Variants in OSBPL10 observed in about 807,000 individuals in gnomAD.
OSBPL10 encodes oxysterol binding protein like 10.
In OSBPL10, 49 loss-of-function variants were observed where a neutral mutation model predicts 81.7. The observed-to-expected ratio is 0.60, with a 90% CI of 0.48 to 0.76. OSBPL10 has a LOEUF of 0.76. Among genes scored for constraint, OSBPL10 ranks in the 30% least tolerant of loss-of-function variants. OSBPL10 has a pLI of 0.00. For synonymous variants in OSBPL10, 419 were observed against 383.6 expected (o/e 1.09, Z -1.08); for missense variants, 923 against 987.8 (o/e 0.93, Z 0.88).
At chr3:31,730,845 T>C (rs1234526775) in intron 6 of OSBPL10, among the ~76,000 whole-genome samples, 1 of 152,210 alleles carries the variant, frequency 6.6e-6, no homozygotes, top group African/African-American at 2.4e-5. Flanking sequence ...TTCTAAACGG[T>C]AAACCAGAAG....
chr3:31,817,588 C>A (rs1000864077), intron 4 of OSBPL10, among the ~76,000 whole-genome samples: 1 of 152,026 alleles, frequency 6.6e-6, no homozygotes, highest in Non-Finnish European at 1.5e-5. Context: ...GCAAATCCTG[C>A]CTGCTCCCAG....
At chr3:32,027,457 TC>T (rs1559551686) in intron 2 of OSBPL10, among the ~76,000 whole-genome samples, 1 of 152,168 alleles carries the variant, frequency 6.6e-6, no homozygotes, top group Non-Finnish European at 1.5e-5. Context: ...ATTAGCTTTA[TC>T]CATAATGTTT....
intron 5 of OSBPL10, among the ~76,000 whole-genome samples, chr3:31,739,980 C>T (rs1377095755): frequency 6.6e-6 from 1 of 152,042 alleles, no homozygotes; most frequent in Non-Finnish European, 1.5e-5. Context: ...TTGAATTTTG[C>T]ACTCAAGGCT....
At chr3:31,909,981 C>A (rs943397864) in intron 1 of OSBPL10, among the ~76,000 whole-genome samples, 28 of 141,166 alleles carry the variant, frequency 2.0e-4, no homozygotes, top group African/African-American at 7.7e-4. Flanking sequence ...TGTCTCCTGG[C>A]CTTTTTTTTT....
chr3:31,733,522 T>C lies in OSBPL10; in HGVS notation c.941-111A>G, dbSNP rs1468245670. ...AGACCTACTTGAAAAGGGCATGAGG[T>C]AAAACACAGAGGGCTTGTTTTGAAT... On this transcript the variant is annotated intron_variant, in intron 5 of 11. Transcript: ENST00000396556. 15 of 1,329,290 alleles carry C rather than the reference T, an allele frequency of 1.1e-5. No homozygotes were observed. In the East Asian group the frequency reaches 3.5e-4, roughly 31 times the overall value. 82.3% of individuals were successfully genotyped at this position (1,329,290 alleles called of 1,614,324 possible).
chr3:31,858,936 CAG>C (rs1700995726), intron 3 of OSBPL10, among the ~76,000 whole-genome samples: 1 of 152,216 alleles, frequency 6.6e-6, no homozygotes. Context: ...TATCCATCAA[CAG>C]AAATGTTGTA....
chr3:31,844,858 G>C (rs545982783), intron 3 of OSBPL10, among the ~76,000 whole-genome samples: 1 of 152,330 alleles, frequency 6.6e-6, no homozygotes, highest in Admixed American at 6.5e-5. Context: ...AGGATCACTA[G>C]TGGCTATGAG....
intron 3 of OSBPL10, among the ~76,000 whole-genome samples, chr3:31,839,163 A>C (rs547683252): frequency 1.5e-3 from 227 of 152,196 alleles, no homozygotes; most frequent in African/African-American, 5.3e-3. Flanking sequence ...TTCCCTGAAA[A>C]CCTAATTTTA....
chr3:31,812,091 G>A (rs894092661), intron 4 of OSBPL10, among the ~76,000 whole-genome samples: 1 of 152,084 alleles, frequency 6.6e-6, no homozygotes, highest in Non-Finnish European at 1.5e-5. Flanking sequence ...GCAGTGTCGC[G>A]ATCTCGGCTC....
At chr3:31,820,665 G>T (rs1575565965) in intron 4 of OSBPL10, among the ~76,000 whole-genome samples, 1 of 152,066 alleles carries the variant, frequency 6.6e-6, no homozygotes, top group African/African-American at 2.4e-5. Context: ...AAGTACACCA[G>T]GCACTAGGAA....
At chr3:31,812,756 AAG>A (rs1559476222) in intron 4 of OSBPL10, among the ~76,000 whole-genome samples, 1 of 53,090 alleles carries the variant, frequency 1.9e-5, no homozygotes, top group East Asian at 8.7e-4. Context: ...GAAAGAAAGA[AAG>A]AAAGAAAGAA....
rs1575064934 is a variant in OSBPL10, at chr3:31,965,224, G to T, written c.281+15675C>A. Among the ~76,000 whole-genome samples the T allele has an allele frequency of 4.6e-5, 7 of 150,630 alleles. No homozygotes were observed. In the East Asian group the frequency reaches 1.4e-3, roughly 30 times the overall value. On this transcript the variant is annotated intron_variant, in intron 1 of 11. Transcript: ENST00000396556. ...CTCTACTAAAAATACAAAAAAATTA[G>T]CCGGGCGTGGTGGTGGGCACCTGTA...
intron 4 of OSBPL10, among the ~76,000 whole-genome samples, chr3:31,807,372 G>GA (rs1047059652): frequency 8.4e-6 from 1 of 118,388 alleles, no homozygotes. Flanking sequence ...GACTGTCTCA[G>GA]AAAAATAAAT....
Position 31,814,349 on chromosome 3 carries a change from ACT to A in OSBPL10, c.729+15689_729+15690del, listed in dbSNP as rs545058281. ...TGTCAAAGAAGTCTGTACTGAGTTC[ACT>A]CTGCAGTCCCTCAAAATTCAAGTCC... is the stretch of plus-strand genomic sequence containing the variant. On this transcript the variant is annotated intron_variant, in intron 4 of 11. Transcript: ENST00000396556. Among the ~76,000 whole-genome samples the A allele has an allele frequency of 1.7e-3, 258 of 152,260 alleles. 3 individuals carry two copies. The highest frequency in any genetic ancestry group is 5.8e-3 in the African/African-American group (242 of 41,548).
chr3:32,036,252 T>C (rs1432023701), intron 2 of OSBPL10, among the ~76,000 whole-genome samples: 1 of 152,080 alleles, frequency 6.6e-6, no homozygotes, highest in Non-Finnish European at 1.5e-5. Flanking sequence ...CTCGCTATGT[T>C]GCCTGGGCTG....
rs181186536 is a variant in OSBPL10, at chr3:31,932,569, T to C, written c.281+48330A>G. Reference sequence around the variant, plus strand: ...AAAATCTGTAAAGTTTTACATTGCGTATAATAAAAATAAGTCTACTATATC... The same window carrying C: ...AAAATCTGTAAAGTTTTACATTGCGCATAATAAAAATAAGTCTACTATATC... On this transcript the variant is annotated intron_variant, in intron 1 of 11. Coordinates refer to ENST00000396556, the MANE Select transcript of OSBPL10 (RefSeq NM_017784.5). Among the ~76,000 whole-genome samples the C allele has an allele frequency of 1.3e-3, 205 of 152,328 alleles. No homozygotes were observed. In the Middle Eastern group the frequency reaches 0.034, roughly 25 times the overall value.
chr3:31,852,879 A>G (rs1700805511), intron 3 of OSBPL10, among the ~76,000 whole-genome samples: 1 of 152,112 alleles, frequency 6.6e-6, no homozygotes, highest in Admixed American at 6.6e-5. Flanking sequence ...ACGCCTGGCT[A>G]TTCCTGTTTT....
At chr3:31,931,051 A>G (rs1197972246) in intron 1 of OSBPL10, among the ~76,000 whole-genome samples, 2 of 150,346 alleles carry the variant, frequency 1.3e-5, no homozygotes, top group Admixed American at 1.3e-4. Flanking sequence ...AGATAGTAAA[A>G]AAGAGTGCTC....
intron 1 of OSBPL10, among the ~76,000 whole-genome samples, chr3:31,917,872 A>G (rs1032109661): frequency 6.6e-6 from 1 of 151,752 alleles, no homozygotes; most frequent in African/African-American, 2.4e-5. Context: ...GATACTTAAA[A>G]TGTGTGATTA....
Sources: allele counts gnomAD v4.1 joint callset (sites outside exome capture counted in the v4.1 genomes callset), GRCh38; gene constraint gnomAD v4.1.1; transcripts MANE v1.5; gene names NCBI Gene and HGNC (gene_info 2026-07-23, HGNC 2026-07-21).